MYH11: variants seen among roughly 807,000 people sequenced by gnomAD.
MYH11 encodes the protein myosin-11.
In MYH11, 80 loss-of-function variants were observed where a neutral mutation model predicts 246.6. The observed-to-expected ratio is 0.32, with a 90% CI of 0.27 to 0.39. The LOEUF (loss-of-function observed/expected upper bound fraction) is 0.39. Among genes scored for constraint, MYH11 ranks in the 10% least tolerant of loss-of-function variants. The probability of loss-of-function intolerance (pLI) is 1.00; values close to 1 mark genes in which losing one functional copy is unlikely to be tolerated. For missense variants in MYH11, 2,158 were observed against 2,546.8 expected (o/e 0.85, Z 3.29); for synonymous variants, 1,071 against 1,015.5 (o/e 1.05, Z -1.04).
chr16:15,706,874 T>C (rs937329618), intron 40 of MYH11, among the ~76,000 whole-genome samples: 12 of 152,296 alleles, frequency 7.9e-5, no homozygotes, highest in Admixed American at 3.3e-4. Context: ...CCCTGGGCCG[T>C]TGAAGCTCCT....
In MYH11 at chr16:15,741,877, C is replaced by T; in HGVS notation, c.2535G>A (p.Leu845=). 1.2e-6 allele frequency: 2 copies of T among 1,614,270 alleles called. No homozygotes were observed. Among genetic ancestry groups the T allele is most frequent in the Non-Finnish European group, 1.7e-6 (2 of 1,180,046 alleles). Residue 845 remains leucine (L), a synonymous_variant, in exon 21 of 41, where the codon CTG becomes CTA. Transcript: ENST00000300036. ...WRLFTKVKPL[L]QVTRQEEEMQ... is the part of the protein sequence containing the mutation. ...TCTCCTCCTCCTGCCGTGTCACCTGCAGCAGTGGCTTCACCTGCACACACA... is the reference window on the plus strand; with the variant it reads ...TCTCCTCCTCCTGCCGTGTCACCTGTAGCAGTGGCTTCACCTGCACACACA...
chr16:15,786,675 G>A lies in MYH11; in HGVS notation c.588C>T (p.Ala196=), dbSNP rs766469189. 35 of 1,614,002 alleles carry A rather than the reference G, an allele frequency of 2.2e-5. No homozygotes were observed. The highest frequency in any genetic ancestry group is 5.0e-5 in the Admixed American group (3 of 60,002). ...ENTKKVIQYL[A]VVASSHKGKK... ...TGCCCTTGTGGGAGGAGGCCACCAC[G>A]GCCAGGTACTGAATGACCTTCTTGG... is the stretch of plus-strand genomic sequence containing the variant. Residue 196 remains alanine, a synonymous_variant, in exon 5 of 41, where the codon GCC becomes GCT. Transcript: ENST00000300036.
At chr16:15,734,990 G>A (rs1226556305) in intron 26 of MYH11, among the ~76,000 whole-genome samples, 1 of 151,876 alleles carries the variant, frequency 6.6e-6, no homozygotes, top group African/African-American at 2.4e-5. Flanking sequence ...GTCCAGCCTG[G>A]GCAACATGGC....
intron 3 of MYH11, among the ~76,000 whole-genome samples, chr16:15,808,084 C>A (rs2043055837): frequency 6.6e-6 from 1 of 152,206 alleles, no homozygotes; most frequent in South Asian, 2.1e-4. Context: ...CATCAATACC[C>A]CTGGGCTAGT....
At chr16:15,766,262 T>C (rs1041703749) in intron 9 of MYH11, among the ~76,000 whole-genome samples, 1 of 152,172 alleles carries the variant, frequency 6.6e-6, no homozygotes, top group African/African-American at 2.4e-5. Context: ...ACAGGGGATA[T>C]AAGCCAAGTG....
At chr16:15,788,987 G>A (rs986300149) in intron 4 of MYH11, among the ~76,000 whole-genome samples, 22 of 152,080 alleles carry the variant, frequency 1.4e-4, no homozygotes, top group African/African-American at 5.1e-4. Context: ...TCTTAAGACA[G>A]AGAAGAATTG....
chr16:15,797,084 G>A (rs2042757621), intron 4 of MYH11, among the ~76,000 whole-genome samples: 1 of 152,116 alleles, frequency 6.6e-6, no homozygotes, highest in African/African-American at 2.4e-5. Context: ...GGGCTCCTTA[G>A]TCCAATGTGA....
chr16:15,725,568 G>A, intron 28 of MYH11: 1 of 407,476 alleles, frequency 2.5e-6, no homozygotes, highest in Non-Finnish European at 4.3e-6. Flanking sequence ...CTTTGAGGCT[G>A]TTAGCCTACC....
intron 26 of MYH11, 71 bp from the exon 27 acceptor site, chr16:15,732,779 A>G: frequency 6.3e-7 from 1 of 1,586,146 alleles, no homozygotes; most frequent in Non-Finnish European, 8.6e-7. Flanking sequence ...GTGCAAAAGA[A>G]TGAGAGCTCT....
At chr16:15,737,655 G>A (rs1309394053) in intron 24 of MYH11, 35 bp from the exon 25 acceptor site, 1 of 1,605,884 alleles carries the variant, frequency 6.2e-7, no homozygotes, top group South Asian at 1.1e-5. Flanking sequence ...GGAAGGGGAG[G>A]CCCCAGAGAG....
At chr16:15,708,188 C>T (rs2039568912) in intron 40 of MYH11, among the ~76,000 whole-genome samples, 1 of 152,172 alleles carries the variant, frequency 6.6e-6, no homozygotes, top group Admixed American at 6.6e-5. Context: ...CTAGACATCA[C>T]TCAAGCCACG....
intron 31 of MYH11, 39 bp downstream of exon 31, chr16:15,724,122 C>G: frequency 6.2e-7 from 1 of 1,611,070 alleles, no homozygotes; most frequent in Non-Finnish European, 8.5e-7. Flanking sequence ...CCCAACCCAG[C>G]GTCCATGGCC....
intron 4 of MYH11, 46 bp from the exon 5 acceptor site, chr16:15,786,778 C>A: frequency 6.5e-7 from 1 of 1,532,742 alleles, no homozygotes; most frequent in South Asian, 1.1e-5. Flanking sequence ...CCATGGTGAC[C>A]TTTCCGCAGT....
intron 1 of MYH11, 120 bp from the exon 2 acceptor site, chr16:15,838,389 A>G: frequency 1.3e-6 from 1 of 779,228 alleles, no homozygotes. Context: ...AAGTACAAAG[A>G]CCTGCAGTAT....
intron 2 of MYH11, among the ~76,000 whole-genome samples, chr16:15,836,024 AC>A (rs1376769522): frequency 7.2e-5 from 11 of 152,292 alleles, no homozygotes; most frequent in African/African-American, 2.4e-4. Context: ...TGCTGGGATT[AC>A]AGGCATGAGC....
chr16:15,817,498 G>A (rs66931955), intron 3 of MYH11, among the ~76,000 whole-genome samples: 13,057 of 151,494 alleles, frequency 0.086, 657 homozygotes, highest in Middle Eastern at 0.12. Flanking sequence ...GTGGCAGGGC[G>A]AGACTCTGCC....
chr16:15,714,607 G>T, intron 40 of MYH11: 1 of 531,292 alleles, frequency 1.9e-6, no homozygotes, highest in East Asian at 3.3e-5. Flanking sequence ...TGCAATGAAG[G>T]AGGGGCTGGA....
intron 13 of MYH11, 72 bp from the exon 14 acceptor site, chr16:15,756,586 C>G: frequency 6.6e-7 from 1 of 1,514,926 alleles, no homozygotes; most frequent in Non-Finnish European, 9.2e-7. Context: ...AGCTGGCCAA[C>G]TATACACAAC....
In MYH11 at chr16:15,703,237, T is replaced by A. The variant is rs2039281641; in HGVS notation, c.*754A>T. 1 of 214,828 alleles carries A rather than the reference T, an allele frequency of 4.7e-6. No individual in the cohort carries two copies. Among genetic ancestry groups the A allele is most frequent in the African/African-American group, 2.3e-5 (1 of 44,366 alleles). 13.3% of individuals were successfully genotyped at this position (214,828 alleles called of 1,614,324 possible). A position where few individuals can be genotyped will look rare whatever the true frequency, so the allele number is the denominator to read the frequency against. Reference sequence around the variant, plus strand: ...CCTCCGTGGGAGCAGCGTCTCCTTTTCAATTCATGTGACTACAGAAGGCAC... The same window carrying A: ...CCTCCGTGGGAGCAGCGTCTCCTTTACAATTCATGTGACTACAGAAGGCAC... On this transcript the variant is annotated 3_prime_UTR_variant, in exon 41 of 41. Transcript: ENST00000300036.
Sources: gnomAD v4.1 joint callset for allele counts (sites outside exome capture counted in the v4.1 genomes callset) on GRCh38, gnomAD v4.1.1 for gene constraint, MANE v1.5 for transcripts, NCBI Gene and HGNC (gene_info 2026-07-23, HGNC 2026-07-21) for gene names.